The following EVC2 variants were observed in gnomAD, a reference collection of about 807,000 sequenced individuals.
The protein encoded by EVC2 is EvC ciliary complex subunit 2.
In EVC2, 148 loss-of-function variants were observed where a neutral mutation model predicts 149.3. That is an observed-to-expected ratio of 0.99 (90% CI 0.87 to 1.14). The LOEUF (loss-of-function observed/expected upper bound fraction) is 1.14, where lower values mean the gene tolerates loss of function less well. EVC2 is among the 50% of genes most tolerant of loss of function. EVC2 has a pLI of 0.00. For missense variants in EVC2, 1,854 were observed against 1,627.3 expected, an observed-to-expected ratio of 1.14 and a Z score of -2.40; for synonymous variants, 776 against 649.9, an observed-to-expected ratio of 1.19 and a Z score of -2.95.
intron 16 of EVC2, among the ~76,000 whole-genome samples, chr4:5,606,057 G>A (rs748707565): frequency 8.5e-5 from 13 of 152,220 alleles, no homozygotes; most frequent in Non-Finnish European, 1.6e-4. Context: ...AACCACAGCA[G>A]AGGTTAGGAG....
At chr4:5,653,901 A>G (rs6846646) in intron 9 of EVC2, among the ~76,000 whole-genome samples, 10,390 of 152,250 alleles carry the variant, frequency 0.068, 1,169 homozygotes, top group African/African-American at 0.23. Context: ...CTGGAGCTGC[A>G]ATGGGAACTT....
At chr4:5,604,800 C>T (rs1714256418) in intron 16 of EVC2, among the ~76,000 whole-genome samples, 1 of 151,902 alleles carries the variant, frequency 6.6e-6, no homozygotes, top group East Asian at 1.9e-4. Context: ...CAAAATATTA[C>T]CATGCATCCC....
At chr4:5,536,670 G>T in the EVC2 span, among the ~76,000 whole-genome samples, 1 of 152,024 alleles carries the variant, frequency 6.6e-6, no homozygotes, top group Admixed American at 6.5e-5. Flanking sequence ...TGTAGTCCCA[G>T]CTACTCGGGA....
rs1718917287 is a variant in EVC2, at chr4:5,662,110, A to G, written c.1145+997T>C. Among the ~76,000 whole-genome samples the G allele has an allele frequency of 2.6e-5, 4 of 152,028 alleles. No individual in the cohort carries two copies. The South Asian group carries it at 6.2e-4, about 24-fold the overall frequency. On this transcript the variant is annotated intron_variant, in intron 9 of 21. Coordinates refer to ENST00000344408, the MANE Select transcript of EVC2 (RefSeq NM_147127.5). ...TTTATTTTCTATACTCAATACCCCA[A>G]TCTGCACATCAGCCACACTTGGCTA...
intron 1 of EVC2, among the ~76,000 whole-genome samples, chr4:5,703,435 C>T (rs529492024): frequency 6.6e-6 from 1 of 152,240 alleles, no homozygotes; most frequent in East Asian, 1.9e-4. Flanking sequence ...CCAGGAGCTG[C>T]ACAGAAGCAT....
rs770398555 is a variant in EVC2, at chr4:5,628,670, A to C, written c.1775T>G (p.Phe592Cys). ...ASKRYHLSKR[F>C]GHREYLVQNL... ...CTGGACCAGATATTCCCTGTGGCCA[A>C]ATCTTTTACTTAGATGATACCTCTT... The change falls in exon 12 of 22, where the codon TTT (phenylalanine) becomes TGT (cysteine). Residue 592 changes from phenylalanine to cysteine, a missense_variant. By Grantham distance (205) the Phe-to-Cys change is radical. Coordinates refer to ENST00000344408, the MANE Select transcript of EVC2 (RefSeq NM_147127.5). The C allele has an allele frequency of 6.2e-7, 1 of 1,614,060 alleles. No homozygotes were observed. The highest frequency in any genetic ancestry group is 1.1e-5 in the South Asian group (1 of 91,062).
chr4:5,609,723 T>C (rs1279157112), intron 16 of EVC2, among the ~76,000 whole-genome samples: 1 of 152,128 alleles, frequency 6.6e-6, no homozygotes, highest in Admixed American at 6.5e-5. Context: ...TGTGAAACCA[T>C]GGGAAATAAC....
intron 21 of EVC2, among the ~76,000 whole-genome samples, chr4:5,552,237 T>C (rs1577088732): frequency 1.3e-5 from 2 of 152,232 alleles, no homozygotes; most frequent in African/African-American, 2.4e-5. Context: ...TACACACATA[T>C]ACATTCTTCC....
intron 11 of EVC2, among the ~76,000 whole-genome samples, chr4:5,629,238 G>A (rs1312186028): frequency 1.3e-5 from 2 of 152,204 alleles, no homozygotes; most frequent in Non-Finnish European, 2.9e-5. Flanking sequence ...ACACAGGAGA[G>A]TAATAACCTA....
At chr4:5,646,824 G>A (rs375911788) in intron 9 of EVC2, among the ~76,000 whole-genome samples, 7 of 152,140 alleles carry the variant, frequency 4.6e-5, no homozygotes, top group African/African-American at 1.7e-4. Flanking sequence ...TAGGTTACCA[G>A]GCAACATGGC....
the EVC2 span, among the ~76,000 whole-genome samples, chr4:5,532,918 C>A: frequency 3.3e-5 from 5 of 151,732 alleles, no homozygotes; most frequent in Middle Eastern, 0.014. Flanking sequence ...ACCCCATACT[C>A]AGTACCCTGA....
At chr4:5,532,469 C>G in the EVC2 span, among the ~76,000 whole-genome samples, 1 of 152,160 alleles carries the variant, frequency 6.6e-6, no homozygotes, top group African/African-American at 2.4e-5. Flanking sequence ...ACCAGCACAC[C>G]CAGTATCACA....
chr4:5,635,083 C>G (rs886971202), intron 10 of EVC2, among the ~76,000 whole-genome samples: 8 of 127,668 alleles, frequency 6.3e-5, no homozygotes, highest in Admixed American at 4.6e-4. Context: ...TTCGCCCAGG[C>G]TGGAGTGAAG....
chr4:5,692,354 G>T (rs1721175064), intron 3 of EVC2, among the ~76,000 whole-genome samples: 1 of 152,076 alleles, frequency 6.6e-6, no homozygotes, highest in Non-Finnish European at 1.5e-5. Context: ...TCTGTCATTG[G>T]CTGAGGGCCA....
At chr4:5,550,214 G>A (rs1421293726) in intron 21 of EVC2, among the ~76,000 whole-genome samples, 1 of 152,156 alleles carries the variant, frequency 6.6e-6, no homozygotes, top group Non-Finnish European at 1.5e-5. Flanking sequence ...AGACATGTTG[G>A]AACAGTTTGG....
chr4:5,641,243 G>A (rs1471311618), intron 9 of EVC2, among the ~76,000 whole-genome samples: 1 of 152,008 alleles, frequency 6.6e-6, no homozygotes, highest in Non-Finnish European at 1.5e-5. Flanking sequence ...ATCCTGGACG[G>A]AATCCCAGAG....
At chr4:5,654,135 A>C (rs1010650254) in intron 9 of EVC2, among the ~76,000 whole-genome samples, 2 of 152,104 alleles carry the variant, frequency 1.3e-5, no homozygotes, top group African/African-American at 4.8e-5. Flanking sequence ...AATCACTTGA[A>C]CCTAGGAGGC....
intron 8 of EVC2, among the ~76,000 whole-genome samples, chr4:5,664,879 G>GCGTGTGGGTGATGGGGTA (rs1261763760): frequency 6.6e-6 from 1 of 152,056 alleles, no homozygotes; most frequent in Non-Finnish European, 1.5e-5. Context: ...GTAATGGGCT[G>GCGTGTGGGTGATGGGGTA]CGTGTGGGTG....
downstream of EVC2, among the ~76,000 whole-genome samples, chr4:5,541,540 C>T (rs1721513537): frequency 1.3e-5 from 2 of 152,190 alleles, no homozygotes; most frequent in African/African-American, 4.8e-5. Context: ...GGCTTCCTTT[C>T]CCTCCGTACA....
Sources: gnomAD v4.1 joint callset for allele counts (sites outside exome capture counted in the v4.1 genomes callset) on GRCh38, gnomAD v4.1.1 for gene constraint, MANE v1.5 for transcripts, NCBI Gene and HGNC (gene_info 2026-07-23, HGNC 2026-07-21) for gene names.